Variants in CAPZB observed in about 807,000 individuals in gnomAD.
The protein encoded by CAPZB is F-actin-capping protein subunit beta.
A neutral mutation model predicts 38.1 loss-of-function variants in CAPZB; 2 were observed. The ratio of observed to expected loss-of-function variants is 0.05; its 90% confidence interval spans 0.02 to 0.17. CAPZB has a LOEUF of 0.17. CAPZB is among the 10% of genes least tolerant of loss of function. The pLI, the probability that CAPZB is intolerant of heterozygous loss-of-function variation, is 1.00. For missense variants in CAPZB, 161 were observed against 334.2 expected (o/e 0.48, Z 4.04); for synonymous variants, 107 against 127.4 (o/e 0.84, Z 1.08).
At chr1:19,482,115 C>G (rs559511941) in intron 1 of CAPZB, among the ~76,000 whole-genome samples, 1 of 152,326 alleles carries the variant, frequency 6.6e-6, no homozygotes, top group East Asian at 1.9e-4. Context: ...TCCCTGTGGT[C>G]AGTCATGTCC....
At chr1:19,432,845 AC>A (rs1391521093) in intron 1 of CAPZB, among the ~76,000 whole-genome samples, 1 of 152,252 alleles carries the variant, frequency 6.6e-6, no homozygotes, top group Non-Finnish European at 1.5e-5. Flanking sequence ...CTTGTAGGGA[AC>A]AACTTGCAAG....
At chr1:19,376,798 T>C (rs914599808) in intron 4 of CAPZB, among the ~76,000 whole-genome samples, 1 of 152,200 alleles carries the variant, frequency 6.6e-6, no homozygotes, top group East Asian at 1.9e-4. Context: ...ACCCGGCTCA[T>C]GGGAGGCACT....
In CAPZB at chr1:19,426,896, G is replaced by C. The variant is rs536455747; in HGVS notation, c.4-7146C>G. 2.8e-4 allele frequency among the ~76,000 whole-genome samples: 42 copies of C among 152,350 alleles called. No homozygotes were observed. The East Asian group carries it at 7.1e-3, about 26-fold the overall frequency. ...AGGATTTGTCTGGTGACCTTGGGGA[G>C]ACAGCCTGACCAGAGACGAAACTGG... On this transcript the variant is annotated intron_variant, in intron 1 of 8. Coordinates refer to ENST00000264202, the MANE Select transcript of CAPZB (RefSeq NM_004930.5).
chr1:19,388,826 G>GC lies in CAPZB; in HGVS notation c.94-3201_94-3200insG, dbSNP rs544827481. ...TGCACGGAGACAGACCACCCTTGAA[G>GC]ATCTGTGATGGGACTTCTGAAAGCC... On this transcript the variant is annotated intron_variant, in intron 2 of 8. Transcript: ENST00000264202. 1.8e-3 allele frequency among the ~76,000 whole-genome samples: 280 copies of GC among 152,310 alleles called. 2 individuals carry two copies. Among genetic ancestry groups the GC allele is most frequent in the African/African-American group, 5.6e-3 (231 of 41,564 alleles).
chr1:19,354,317 C>T (rs974576458), intron 6 of CAPZB, among the ~76,000 whole-genome samples: 3 of 152,158 alleles, frequency 2.0e-5, no homozygotes, highest in South Asian at 2.1e-4. Flanking sequence ...CAAGCACAGG[C>T]GTTTTTCCAA....
At chr1:19,422,598 G>A (rs1372917451) in intron 1 of CAPZB, among the ~76,000 whole-genome samples, 1 of 152,048 alleles carries the variant, frequency 6.6e-6, no homozygotes, top group Non-Finnish European at 1.5e-5. Flanking sequence ...TTAGCCGGGC[G>A]TGGTGGCGGG....
chr1:19,443,494 C>T (rs920792511), intron 1 of CAPZB, among the ~76,000 whole-genome samples: 4 of 152,168 alleles, frequency 2.6e-5, no homozygotes, highest in Admixed American at 1.3e-4. Context: ...GACTTACGGC[C>T]TGGCTTTAGG....
intron 2 of CAPZB, among the ~76,000 whole-genome samples, chr1:19,411,697 G>A (rs1157660820): frequency 2.0e-5 from 3 of 152,164 alleles, no homozygotes; most frequent in East Asian, 1.9e-4. Flanking sequence ...GAACCATTAC[G>A]CTGCATGTAA....
intron 6 of CAPZB, among the ~76,000 whole-genome samples, chr1:19,355,155 T>C (rs1203218954): frequency 6.6e-6 from 1 of 152,150 alleles, no homozygotes; most frequent in African/African-American, 2.4e-5. Context: ...TTTCAATGCA[T>C]GTAGATGTTG....
intron 3 of CAPZB, among the ~76,000 whole-genome samples, chr1:19,379,508 G>A (rs1288806916): frequency 1.3e-5 from 2 of 152,232 alleles, no homozygotes; most frequent in Non-Finnish European, 2.9e-5. Flanking sequence ...TAAGAAGAGA[G>A]CTGTCAGTTA....
At chr1:19,347,149 T>A (rs1205529022) in intron 6 of CAPZB, among the ~76,000 whole-genome samples, 1 of 152,014 alleles carries the variant, frequency 6.6e-6, no homozygotes, top group Non-Finnish European at 1.5e-5. Flanking sequence ...CCGACCCAAC[T>A]TTTGTCAAAA....
At chr1:19,480,496 G>A (rs1263037440) in intron 1 of CAPZB, among the ~76,000 whole-genome samples, 1 of 152,214 alleles carries the variant, frequency 6.6e-6, no homozygotes, top group Non-Finnish European at 1.5e-5. Context: ...CTCTCACTCA[G>A]TGTTTATGTA....
intron 1 of CAPZB, among the ~76,000 whole-genome samples, chr1:19,428,049 G>A (rs1229844790): frequency 1.3e-5 from 2 of 152,242 alleles, no homozygotes; most frequent in Non-Finnish European, 2.9e-5. Flanking sequence ...CCACCAGCCA[G>A]AATGGGTGAC....
chr1:19,398,206 G>A (rs548438467), intron 2 of CAPZB, among the ~76,000 whole-genome samples: 11 of 138,314 alleles, frequency 8.0e-5, no homozygotes, highest in South Asian at 6.9e-4. Flanking sequence ...GCCCACACAC[G>A]GAGGTGAGCC....
At chr1:19,348,906 A>C (rs948327660) in intron 6 of CAPZB, among the ~76,000 whole-genome samples, 2 of 152,088 alleles carry the variant, frequency 1.3e-5, no homozygotes, top group Non-Finnish European at 2.9e-5. Flanking sequence ...GAAATGCTAG[A>C]AAGACCGGCT....
intron 1 of CAPZB, among the ~76,000 whole-genome samples, chr1:19,434,864 A>AGCCACGATTGT (rs2094453042): frequency 6.6e-6 from 1 of 152,070 alleles, no homozygotes; most frequent in South Asian, 2.1e-4. Context: ...GGCTGCAGTG[A>AGCCACGATTGT]GCCACGATTG....
intron 8 of CAPZB, among the ~76,000 whole-genome samples, chr1:19,343,522 T>C (rs1275587516): frequency 6.6e-6 from 1 of 152,208 alleles, no homozygotes; most frequent in Admixed American, 6.5e-5. Context: ...CAGCCGACCG[T>C]GCCTCCTCGA....
chr1:19,394,149 C>T (rs1430226258), intron 2 of CAPZB, among the ~76,000 whole-genome samples: 1 of 152,192 alleles, frequency 6.6e-6, no homozygotes, highest in Non-Finnish European at 1.5e-5. Flanking sequence ...TATAAGTGTG[C>T]ACCACCATGC....
chr1:19,358,701 C>T (rs1367609738), intron 4 of CAPZB, among the ~76,000 whole-genome samples: 1 of 152,236 alleles, frequency 6.6e-6, no homozygotes, highest in South Asian at 2.1e-4. Context: ...TGTAGCCTCT[C>T]CGACCCCAAT....
Sources: gnomAD v4.1 joint callset for allele counts (sites outside exome capture counted in the v4.1 genomes callset) on GRCh38, gnomAD v4.1.1 for gene constraint, MANE v1.5 for transcripts, NCBI Gene and HGNC (gene_info 2026-07-23, HGNC 2026-07-21) for gene names.